Variants in MRNIP observed in about 807,000 individuals in gnomAD.
MRNIP encodes MRN complex-interacting protein.
A neutral mutation model predicts 29.8 loss-of-function variants in MRNIP; 30 were observed. The observed-to-expected ratio is 1.01, with a 90% CI of 0.75 to 1.36. MRNIP has a LOEUF of 1.36. Ranked by LOEUF, MRNIP falls within the 40% of genes most tolerant of loss-of-function variation. The pLI is 0.00. For synonymous variants in MRNIP, 201 were observed against 164.1 expected (o/e 1.23, Z -1.72); for missense variants, 459 against 423.5 (o/e 1.08, Z -0.74).
At chr5:179,846,653 C>T (rs1314434332) in intron 3 of MRNIP, among the ~76,000 whole-genome samples, 3 of 152,178 alleles carry the variant, frequency 2.0e-5, no homozygotes, top group African/African-American at 7.2e-5. Context: ...CCTCTGCTTC[C>T]TGGGACAATT....
chr5:179,838,812 T>C (rs1474159301), intron 6 of MRNIP: 1 of 151,760 alleles, frequency 6.6e-6, no homozygotes, highest in East Asian at 1.9e-4. Flanking sequence ...AACCCCCTCT[T>C]CTACAAAAAA....
intron 2 of MRNIP, chr5:179,851,247 T>C (rs1404684822): frequency 4.4e-6 from 2 of 455,822 alleles, no homozygotes; most frequent in African/African-American, 2.0e-5. Flanking sequence ...GCCTACCTGG[T>C]AAGCCAGCCC....
intron 2 of MRNIP, among the ~76,000 whole-genome samples, chr5:179,851,925 C>T (rs1186213422): frequency 3.3e-5 from 5 of 149,424 alleles, no homozygotes; most frequent in Non-Finnish European, 4.4e-5. Flanking sequence ...TTGCAGTGAG[C>T]GAGATCGCAC....
chr5:179,842,723 AAAAAAAAG>A (rs1466368526), intron 4 of MRNIP, among the ~76,000 whole-genome samples: 1 of 143,518 alleles, frequency 7.0e-6, no homozygotes, highest in Non-Finnish European at 1.5e-5. Flanking sequence ...AAAAAAAAAA[AAAAAAAAG>A]AACAGAGGGG....
intron 2 of MRNIP, among the ~76,000 whole-genome samples, chr5:179,849,761 A>T (rs147114558): frequency 0.013 from 1,980 of 147,330 alleles, 26 homozygotes; most frequent in African/African-American, 0.045. Context: ...ACGGAATTTG[A>T]GAGCATGGAT....
At chr5:179,848,512 C>A (rs1301297662) in intron 2 of MRNIP, among the ~76,000 whole-genome samples, 1 of 152,132 alleles carries the variant, frequency 6.6e-6, no homozygotes, top group African/African-American at 2.4e-5. Flanking sequence ...ATTCATCCAA[C>A]AAATATTTAT....
rs1357034290 is a variant in MRNIP, at chr5:179,853,268, T to C, written c.126+110A>G. Reference sequence around the variant, plus strand: ...AGCTCGGAAGCAGGAGCTCCGTGTCTGGGGAACTCTGTTTGAGAGAGGATG... The same window carrying C: ...AGCTCGGAAGCAGGAGCTCCGTGTCCGGGGAACTCTGTTTGAGAGAGGATG... On this transcript the variant is annotated intron_variant, in intron 2 of 6. Transcript: ENST00000292586. 3 of 1,594,810 alleles carry C rather than the reference T, an allele frequency of 1.9e-6. No homozygotes were observed. In the East Asian group the frequency reaches 6.8e-5, roughly 36 times the overall value.
At chr5:179,856,625 T>C (rs66959508) in intron 1 of MRNIP, among the ~76,000 whole-genome samples, 22,997 of 152,076 alleles carry the variant, frequency 0.15, 4,377 homozygotes, top group African/African-American at 0.45. Flanking sequence ...TGCGCGCCAC[T>C]ACATCTAGCT....
chr5:179,858,723 C>T lies in MRNIP; in HGVS notation c.66+8G>A, dbSNP rs1464311116. 2.7e-6 allele frequency: 4 copies of T among 1,504,660 alleles called. No homozygotes were observed. The highest frequency in any genetic ancestry group is 2.1e-5 in the Admixed American group (1 of 48,266). The allele number at this position is 1,504,660 out of a possible 1,614,324, so 93.2% of individuals were successfully genotyped here. A position where few individuals can be genotyped will look rare whatever the true frequency, so the allele number is the denominator to read the frequency against. Reference sequence around the variant, plus strand: ...GGAGGAGGAGGAGGGGGCTGGCACCCGCCAGACCTGGTGCGCCTGGAAGAG... The same window carrying T: ...GGAGGAGGAGGAGGGGGCTGGCACCTGCCAGACCTGGTGCGCCTGGAAGAG... On this transcript the variant is annotated splice_region_variant and intron_variant, in intron 1 of 6. Coordinates refer to ENST00000292586, the MANE Select transcript of MRNIP (RefSeq NM_016175.4).
intron 2 of MRNIP, among the ~76,000 whole-genome samples, chr5:179,849,453 G>A (rs552135235): frequency 2.0e-5 from 3 of 146,746 alleles, no homozygotes; most frequent in East Asian, 4.1e-4. Context: ...GGTACGAGAC[G>A]GAATTTGAGA....
chr5:179,852,428 T>A (rs1759412849), intron 2 of MRNIP, among the ~76,000 whole-genome samples: 2 of 152,062 alleles, frequency 1.3e-5, no homozygotes, highest in Non-Finnish European at 2.9e-5. Flanking sequence ...AAAAGGGAAA[T>A]CAACCTAAAT....
At chr5:179,857,133 A>G (rs1219204782) in intron 1 of MRNIP, among the ~76,000 whole-genome samples, 1 of 152,002 alleles carries the variant, frequency 6.6e-6, no homozygotes, top group Non-Finnish European at 1.5e-5. Flanking sequence ...GTGAACATGG[A>G]AGAGTGAAAC....
chr5:179,855,213 C>A (rs1254074499), intron 1 of MRNIP, among the ~76,000 whole-genome samples: 1 of 150,468 alleles, frequency 6.6e-6, no homozygotes, highest in Non-Finnish European at 1.5e-5. Context: ...GGTGAGATCT[C>A]GGCTTAGTGC....
At chr5:179,855,751 C>T (rs887508445) in intron 1 of MRNIP, among the ~76,000 whole-genome samples, 14 of 151,974 alleles carry the variant, frequency 9.2e-5, no homozygotes, top group East Asian at 3.9e-4. Context: ...ATGAGGTTTT[C>T]GGGGGAAGTA....
intron 2 of MRNIP, among the ~76,000 whole-genome samples, chr5:179,849,268 G>A (rs994491199): frequency 4.7e-5 from 7 of 149,882 alleles, no homozygotes; most frequent in Non-Finnish European, 8.9e-5. Flanking sequence ...TTGAGAGTAC[G>A]GGTCCTGCTA....
rs61746305 is a variant in MRNIP, at chr5:179,837,666, C to T, written c.757G>A (p.Asp253Asn). Residue 253 changes from aspartate to asparagine, a missense_variant, in exon 7 of 7, where the codon GAC (aspartate) becomes AAC (asparagine). Asp to Asn is a conservative substitution (Grantham distance 23). Transcript: ENST00000292586. ...TGTGCTGGACCAGCTGGCCTGGGGT[C>T]CCTCTGAAGAGACCTTGGCTGCTCA... ...DSEQPRSLQRDPRPAGPAQAK... is the reference protein window; with the variant it reads ...DSEQPRSLQRNPRPAGPAQAK... The T allele has an allele frequency of 3.0e-4, 481 of 1,614,230 alleles. 1 individual carries two copies. In the African/African-American group the frequency reaches 5.9e-3, roughly 20 times the overall value.
rs1561612561 is a variant in MRNIP, at chr5:179,837,835, G to A, written c.588C>T (p.Leu196=). ...CACTGCAGTCTGCAGAGTTCTCCTG[G>A]AGGCAGGGGCTGCTGCCTTGTTTCA... The part of the protein sequence containing the change: ...WKVKQGSSPC[L]QENSADCSAG... Residue 196 remains leucine, a synonymous_variant, in exon 7 of 7, where the codon CTC becomes CTT. Coordinates refer to ENST00000292586, the MANE Select transcript of MRNIP (RefSeq NM_016175.4). 2.4e-5 allele frequency: 38 copies of A among 1,612,520 alleles called. No individual in the cohort carries two copies. Among genetic ancestry groups the A allele is most frequent in the Non-Finnish European group, 3.2e-5 (38 of 1,180,022 alleles).
Position 179,837,342 on chromosome 5 carries a change from C to G in MRNIP, c.*49G>C. On this transcript the variant is annotated 3_prime_UTR_variant, in exon 7 of 7. Coordinates refer to ENST00000292586, the MANE Select transcript of MRNIP (RefSeq NM_016175.4). ...TCTTTAAAAGTGCCTTAGGGGAACC[C>G]TGTCCCTCCTAACAAGTGTATCTCG... The G allele has an allele frequency of 6.3e-7, 1 of 1,583,882 alleles. No individual in the cohort carries two copies. Among genetic ancestry groups the G allele is most frequent in the Non-Finnish European group, 8.6e-7 (1 of 1,164,850 alleles).
In MRNIP at chr5:179,841,966, C is replaced by G. The variant is rs562967986; in HGVS notation, c.390G>C (p.Gln130His). ...LEGTGVCFSK[Q>H]PSSKMEEPGP... ...CTGGCTCCTCCATTTTGGATGAAGG[C>G]TGTTTGCTGAAACACACTCCTGTTC... The change falls in exon 5 of 7, where the codon CAG (glutamine) becomes CAC (histidine). Residue 130 changes from glutamine to histidine, a missense_variant. Transcript: ENST00000292586. The G allele has an allele frequency of 2.5e-6, 4 of 1,614,060 alleles. No individual in the cohort carries two copies. In the South Asian group the frequency reaches 3.3e-5, roughly 13 times the overall value.
Sources: gnomAD v4.1 joint callset for allele counts (sites outside exome capture counted in the v4.1 genomes callset) on GRCh38, gnomAD v4.1.1 for gene constraint, MANE v1.5 for transcripts, NCBI Gene and HGNC (gene_info 2026-07-23, HGNC 2026-07-21) for gene names.